Variants in HID1 observed in about 807,000 individuals in gnomAD.
The protein encoded by HID1 is protein HID1.
A neutral mutation model predicts 89.7 loss-of-function variants in HID1; 42 were observed. That is an observed-to-expected ratio of 0.47 (90% CI 0.37 to 0.61). The LOEUF (loss-of-function observed/expected upper bound fraction) is 0.61, where lower values mean the gene tolerates loss of function less well. HID1 is among the 20% of genes least tolerant of loss of function. HID1 has a pLI of 0.00. For synonymous variants in HID1, 442 were observed against 433.8 expected (o/e 1.02, Z -0.24); for missense variants, 854 against 1,039.3 (o/e 0.82, Z 2.45).
chr17:74,972,557 G>A lies in HID1; in HGVS notation c.66+34C>T. 3 of 1,535,122 alleles carry A rather than the reference G, an allele frequency of 2.0e-6. No individual in the cohort carries two copies. Among genetic ancestry groups the A allele is most frequent in the East Asian group, 2.5e-5 (1 of 40,154 alleles). ...GCCCTGCCCAGCCCCCAGCCCGGCA[G>A]GTGGATGGGGACGCCGGGGCCCCCG... On this transcript the variant is annotated intron_variant, in intron 1 of 18. Transcript: ENST00000425042. The surrounding 1 kb of genome is among the most constrained non-coding windows in gnomAD (Gnocchi z 6.4).
Position 74,964,601 on chromosome 17 carries a change from T to C in HID1, c.98A>G (p.Asp33Gly), listed in dbSNP as rs746123243. The C allele has an allele frequency of 6.2e-7, 1 of 1,612,400 alleles. No individual in the cohort carries two copies. The highest frequency in any genetic ancestry group is 8.5e-7 in the Non-Finnish European group (1 of 1,179,506). Residue 33 changes from aspartate (D) to glycine (G), a missense_variant, in exon 2 of 19, where the codon GAC becomes GGC. Physicochemically the swap from Asp to Gly is moderately conservative, Grantham distance 94. Transcript: ENST00000425042. ...PVEATDDAFW[D>G]QFWADTATSV... ...GGTGGCTGTGTCTGCCCAGAACTGGTCCCAAAAGGCATCATCGGTGGCTTC... is the reference window on the plus strand; with the variant it reads ...GGTGGCTGTGTCTGCCCAGAACTGGCCCCAAAAGGCATCATCGGTGGCTTC...
intron 18 of HID1, 76 bp downstream of exon 18, chr17:74,951,829 G>T (rs2039305044): frequency 3.5e-6 from 5 of 1,440,960 alleles, no homozygotes; most frequent in Non-Finnish European, 4.6e-6. Flanking sequence ...AGGTGGTGGG[G>T]CCCAGAGCTG....
Position 74,972,594 on chromosome 17 carries a change from C to A in HID1, c.63G>T (p.Thr21=). 1 of 1,547,828 alleles carries A rather than the reference C, an allele frequency of 6.5e-7. No individual in the cohort carries two copies. The highest frequency in any genetic ancestry group is 8.7e-7 in the Non-Finnish European group (1 of 1,145,164). The change falls in exon 1 of 19, where the codon ACG becomes ACT. Residue 21 remains threonine (T), a synonymous_variant. Coordinates refer to ENST00000425042, the MANE Select transcript of HID1 (RefSeq NM_030630.3). The surrounding 1 kb of genome is among the most constrained non-coding windows in gnomAD (Gnocchi z 6.4). ...CGCCGGGGCCCCCGTGGCGCACCTG[C>A]GTCTTGGTGGTGAGCTGGATCACCG... is the stretch of plus-strand genomic sequence containing the variant. ...RKAVIQLTTK[T]QPVEATDDAF...
Position 74,963,912 on chromosome 17 carries a change from T to C in HID1, c.217-2A>G. The C allele has an allele frequency of 1.9e-6, 3 of 1,613,534 alleles. No individual in the cohort carries two copies. Among genetic ancestry groups the C allele is most frequent in the Non-Finnish European group, 1.7e-6 (2 of 1,179,852 alleles). On this transcript the variant is annotated splice_acceptor_variant, in intron 2 of 18. Transcript: ENST00000425042. LOFTEE classifies it high-confidence loss of function. Reference sequence around the variant, plus strand: ...TCCCTGCACCAGCTTCTCAACGGCCTGTGGGGGCAGGCAGGAGCAGAGGGC... The same window carrying C: ...TCCCTGCACCAGCTTCTCAACGGCCCGTGGGGGCAGGCAGGAGCAGAGGGC...
intron 14 of HID1, among the ~76,000 whole-genome samples, chr17:74,953,871 C>G (rs1226526919): frequency 2.0e-5 from 3 of 150,180 alleles, no homozygotes; most frequent in Non-Finnish European, 3.0e-5. Context: ...CCAAGCTACA[C>G]ATGCTAAGCC....
At position 74,962,042 on chromosome 17, in the gene HID1, T is replaced by C. The variant is rs1174950812; in HGVS notation, c.612-53A>G. Reference sequence around the variant, plus strand: ...TAGGATCCCAGTCCCCTCTTGGAGGTTCTGCCCACCCAGCCCAGCGCCCCA... The same window carrying C: ...TAGGATCCCAGTCCCCTCTTGGAGGCTCTGCCCACCCAGCCCAGCGCCCCA... On this transcript the variant is annotated intron_variant, in intron 5 of 18. Transcript: ENST00000425042. This position sits in a 1 kb window ranked among gnomAD's most constrained non-coding sequence, Gnocchi z 4.3. 3.6e-5 allele frequency: 50 copies of C among 1,380,480 alleles called. No homozygotes were observed. Among genetic ancestry groups the C allele is most frequent in the Non-Finnish European group, 4.5e-5 (46 of 1,020,138 alleles). The allele number at this position is 1,380,480 out of a possible 1,614,324, so 85.5% of individuals were successfully genotyped here.
intron 12 of HID1, 60 bp from the exon 13 acceptor site, chr17:74,956,016 TGGGCCG>T: frequency 6.5e-7 from 1 of 1,541,812 alleles, no homozygotes; most frequent in African/African-American, 1.4e-5. Flanking sequence ...CTGCACATCC[TGGGCCG>T]GGGTGGAACA....
intron 6 of HID1, among the ~76,000 whole-genome samples, chr17:74,961,125 G>T (rs1360629079): frequency 6.6e-6 from 1 of 152,192 alleles, no homozygotes; most frequent in Admixed American, 6.5e-5. Flanking sequence ...TCGGAACCAA[G>T]ACAAATACAC....
rs749678140 is a variant in HID1 at position 74,954,364 on chromosome 17, G to A, written c.1638C>T (p.Gly546=). 6 of 1,561,690 alleles carry A rather than the reference G, an allele frequency of 3.8e-6. No individual in the cohort carries two copies. Among genetic ancestry groups the A allele is most frequent in the Non-Finnish European group, 5.2e-6 (6 of 1,153,222 alleles). The change falls in exon 14 of 19, where the codon GGC becomes GGT. Residue 546 remains glycine (G), a splice_region_variant and synonymous_variant. Transcript: ENST00000425042. ...FNNIIQYQFD[G]NSNLVYAIIR... ...TGATGGCGTAGACCAGGTTGGAGTTGCCTGTGGGCAGGGAGCATGCCTCGC... is the reference window on the plus strand; with the variant it reads ...TGATGGCGTAGACCAGGTTGGAGTTACCTGTGGGCAGGGAGCATGCCTCGC...
intron 12 of HID1, among the ~76,000 whole-genome samples, chr17:74,957,683 T>C (rs757858497): frequency 1.3e-5 from 2 of 151,910 alleles, no homozygotes; most frequent in African/African-American, 2.4e-5. Flanking sequence ...GCATATCATC[T>C]GAGGTCAGGA....
At chr17:74,954,388 G>A (rs202114160) in intron 13 of HID1, 23 bp from the exon 14 acceptor site, 34 of 1,551,868 alleles carry the variant, frequency 2.2e-5, no homozygotes, top group African/African-American at 1.1e-4. Context: ...AGCATGCCTC[G>A]CCTCAGGGAG....
At position 74,958,037 on chromosome 17, in the gene HID1, T is replaced by C. The variant is rs369605035; in HGVS notation, c.1471+104A>G. 158 of 1,012,326 alleles carry C rather than the reference T, an allele frequency of 1.6e-4. No homozygotes were observed. The East Asian group carries it at 3.9e-3, about 25-fold the overall frequency. The allele number at this position is 1,012,326 out of a possible 1,614,324, so 62.7% of individuals were successfully genotyped here. On this transcript the variant is annotated intron_variant, in intron 12 of 18. Transcript: ENST00000425042. The surrounding 1 kb of genome is among the most constrained non-coding windows in gnomAD (Gnocchi z 5.2). ...GAAGGGTACACAAGCTTGCGTTCTT[T>C]CTGTGGGCTGGAGGGGCTTGAAACC...
At chr17:74,966,876 T>C (rs2039571089) in intron 1 of HID1, among the ~76,000 whole-genome samples, 1 of 151,982 alleles carries the variant, frequency 6.6e-6, no homozygotes, top group South Asian at 2.1e-4. Context: ...GCCCAGAAGG[T>C]CAAGGCTGCA....
chr17:74,954,048 T>C, intron 14 of HID1, 90 bp downstream of exon 14: 1 of 1,247,100 alleles, frequency 8.0e-7, no homozygotes, highest in Admixed American at 2.0e-5. Context: ...GCCATGCTCT[T>C]TGCCAGAGAT....
intron 14 of HID1, 118 bp downstream of exon 14, chr17:74,954,020 C>T: frequency 1.1e-5 from 11 of 1,021,784 alleles, no homozygotes; most frequent in Non-Finnish European, 1.6e-5. Flanking sequence ...GCCCCATCCC[C>T]TCGGCTTCCA....
intron 1 of HID1, among the ~76,000 whole-genome samples, chr17:74,967,491 A>T (rs2039580269): frequency 6.6e-6 from 1 of 151,746 alleles, no homozygotes; most frequent in South Asian, 2.1e-4. Flanking sequence ...GTGAGCCAAG[A>T]TCGCACCACT....
At chr17:74,964,120 G>C in intron 2 of HID1, 1 of 608,128 alleles carries the variant, frequency 1.6e-6, no homozygotes, top group East Asian at 2.8e-5. Flanking sequence ...GAGCAGCTTG[G>C]AGCATCAGGA....
chr17:74,952,026 G>A lies in HID1; in HGVS notation c.2182C>T (p.Gln728Ter). Residue 728 changes from glutamine to a stop codon, truncating the protein, a stop_gained, in exon 18 of 19, where the codon CAG (glutamine) becomes TAG (stop). Coordinates refer to ENST00000425042, the MANE Select transcript of HID1 (RefSeq NM_030630.3). LOFTEE classifies it high-confidence loss of function. Reference sequence around the variant, plus strand: ...AGCAGCCCCACCAGGGTGCCATGCTGCAGGAACCGCAGGATCTCAGACTCA... The same window carrying A: ...AGCAGCCCCACCAGGGTGCCATGCTACAGGAACCGCAGGATCTCAGACTCA... ...TDESEILRFL[Q>*]HGTLVGLLPV... 6.4e-7 allele frequency: 1 copy of A among 1,558,240 alleles called. No individual in the cohort carries two copies. Among genetic ancestry groups the A allele is most frequent in the Non-Finnish European group, 8.7e-7 (1 of 1,150,518 alleles).
Position 74,958,924 on chromosome 17 carries a change from C to G in HID1, c.1136G>C (p.Cys379Ser), listed in dbSNP as rs2039437569. 3.8e-6 allele frequency: 6 copies of G among 1,593,762 alleles called. No individual in the cohort carries two copies. The highest frequency in any genetic ancestry group is 5.1e-6 in the Non-Finnish European group (6 of 1,172,460). Residue 379 changes from cysteine to serine, a missense_variant, in exon 9 of 19, where the codon TGC becomes TCC. Cys to Ser is a moderately radical substitution (Grantham distance 112). Coordinates refer to ENST00000425042, the MANE Select transcript of HID1 (RefSeq NM_030630.3). The surrounding 1 kb of genome is among the most constrained non-coding windows in gnomAD (Gnocchi z 5.2). Reference protein sequence around the residue: ...QELLVLFWKLCDFNKKFLFFV... With the variant: ...QELLVLFWKLSDFNKKFLFFV... ...AGGCTGGCCCACCTTGTTGAAGTCG[C>G]AGAGCTTCCAGAAGAGAACTAGCAG...
Sources: allele counts gnomAD v4.1 joint callset (sites outside exome capture counted in the v4.1 genomes callset), GRCh38; gene constraint gnomAD v4.1.1; non-coding constraint Gnocchi (gnomAD v3.1); transcripts MANE v1.5; gene names NCBI Gene and HGNC (gene_info 2026-07-23, HGNC 2026-07-21).